The following KANK2 variants were observed in gnomAD, a reference collection of about 807,000 sequenced individuals.
KANK2 encodes the protein KN motif and ankyrin repeat domain-containing protein 2.
Under a neutral mutation model 74.6 loss-of-function variants are expected in KANK2, and 41 were observed. The ratio of observed to expected loss-of-function variants is 0.55; its 90% CI spans 0.43 to 0.71. The LOEUF (loss-of-function observed/expected upper bound fraction) is 0.71. KANK2 is among the 30% of genes least tolerant of loss of function. The probability of loss-of-function intolerance (pLI) is 0.00; values close to 1 mark genes in which losing one functional copy is unlikely to be tolerated. For synonymous variants in KANK2, 537 were observed against 519.0 expected, an observed-to-expected ratio of 1.03 and a Z score of -0.47; for missense variants, 1,148 against 1,196.4, an observed-to-expected ratio of 0.96 and a Z score of 0.60.
rs1174216097 is a variant in KANK2, at chr19:11,193,762, G to A, written c.318C>T (p.Gly106=). 8 of 1,612,696 alleles carry A rather than the reference G, an allele frequency of 5.0e-6. No homozygotes were observed. Among genetic ancestry groups the A allele is most frequent in the Non-Finnish European group, 6.8e-6 (8 of 1,179,716 alleles). Residue 106 remains glycine (G), a synonymous_variant, in exon 4 of 13, where the codon GGC becomes GGT. Coordinates refer to ENST00000586659, the MANE Select transcript of KANK2 (RefSeq NM_001136191.3). This position sits in a 1 kb window ranked among gnomAD's most constrained non-coding sequence, Gnocchi z 9.6. The part of the protein sequence containing the change: ...RHSAYSYCGR[G]FYPQYGALET... ...CCAGAGCACCATACTGAGGGTAGAA[G>A]CCACGGCCGCAGTAGGAATAGGCTG... is the stretch of plus-strand genomic sequence containing the variant.
chr19:11,195,520 C>A (rs571674439), intron 2 of KANK2, 102 bp downstream of exon 2: 2 of 152,420 alleles, frequency 1.3e-5, no homozygotes, highest in African/African-American at 4.8e-5. Flanking sequence ...CAGAGTAAAT[C>A]CTTTCTGGCC....
intron 10 of KANK2, among the ~76,000 whole-genome samples, chr19:11,172,075 A>G (rs940068830): frequency 6.7e-6 from 1 of 149,710 alleles, no homozygotes; most frequent in African/African-American, 2.5e-5. Context: ...TCCCAGGTTC[A>G]AGCGATTCTC....
At chr19:11,182,877 A>T (rs113891021) in intron 4 of KANK2, among the ~76,000 whole-genome samples, 184 of 132,628 alleles carry the variant, frequency 1.4e-3, no homozygotes, top group African/African-American at 4.8e-3. Flanking sequence ...AAAAAATCAA[A>T]CAAACTAGAG....
At chr19:11,185,012 T>C (rs2078636295) in intron 4 of KANK2, among the ~76,000 whole-genome samples, 1 of 148,320 alleles carries the variant, frequency 6.7e-6, no homozygotes, top group Admixed American at 6.8e-5. Flanking sequence ...GGTTTCACCA[T>C]GTTGGCCAGG....
In KANK2 at chr19:11,192,793, C is replaced by CA. The variant is rs767563543; in HGVS notation, c.1249+37_1249+38insT. The CA allele has an allele frequency of 1.2e-4, 182 of 1,576,266 alleles. 2 individuals carry two copies. Among genetic ancestry groups the CA allele is most frequent in the South Asian group, 2.3e-4 (21 of 90,024 alleles). On this transcript the variant is annotated intron_variant, in intron 4 of 12. Transcript: ENST00000586659. ...CATGGGAAGAAAGAGGCCCCCCCCC[C>CA]CCAAGCCATTCTCCCCTGCCTGCCT...
At position 11,194,101 on chromosome 19, in the gene KANK2, A is replaced by T. The variant is rs551164507; in HGVS notation, c.38-59T>A. 6.9e-5 allele frequency: 105 copies of T among 1,518,282 alleles called. No homozygotes were observed. In the East Asian group the frequency reaches 2.3e-3, roughly 33 times the overall value. 94.1% of individuals were successfully genotyped at this position (1,518,282 alleles called of 1,614,324 possible). A position where few individuals can be genotyped will look rare whatever the true frequency, so the allele number is the denominator to read the frequency against. ...CCTCTTGTCCCCATTCTCAGGGTGA[A>T]GACTGATGCCTGGGGAGAGTTGGGG... On this transcript the variant is annotated intron_variant, in intron 3 of 12. Coordinates refer to ENST00000586659, the MANE Select transcript of KANK2 (RefSeq NM_001136191.3).
chr19:11,187,697 T>A (rs1410814986), intron 4 of KANK2, among the ~76,000 whole-genome samples: 1 of 152,236 alleles, frequency 6.6e-6, no homozygotes, highest in African/African-American at 2.4e-5. Flanking sequence ...TGTCTACGGC[T>A]GCTTTTGCAA....
At chr19:11,194,383 C>A in intron 3 of KANK2, 92 bp downstream of exon 3, 1 of 1,029,838 alleles carries the variant, frequency 9.7e-7, no homozygotes, top group Non-Finnish European at 1.5e-6. Context: ...TGTGTCCCAC[C>A]CTCAAAGTCC....
In KANK2 at chr19:11,170,213, G is replaced by A. The variant is rs201988386; in HGVS notation, c.2247C>T (p.His749=). The change falls in exon 11 of 13, where the codon CAC becomes CAT. Residue 749 remains histidine, a synonymous_variant. Coordinates refer to ENST00000586659, the MANE Select transcript of KANK2 (RefSeq NM_001136191.3). This position sits in a 1 kb window ranked among gnomAD's most constrained non-coding sequence, Gnocchi z 5.2. ...GQTALMLAVS[H]GRVDVVKALL... is the part of the protein sequence containing the mutation. ...GGGCTTTGACAACGTCCACCCGCCCGTGGCTGACGGCCAGCATCAGGGCCG... is the reference window on the plus strand; with the variant it reads ...GGGCTTTGACAACGTCCACCCGCCCATGGCTGACGGCCAGCATCAGGGCCG... 224 of 1,610,736 alleles carry A rather than the reference G, an allele frequency of 1.4e-4. 1 individual carries two copies. Among genetic ancestry groups the A allele is most frequent in the South Asian group, 9.4e-4 (86 of 91,086 alleles).
intron 3 of KANK2, 145 bp downstream of exon 3, chr19:11,194,330 G>GGGCAGGACTCTGCCTCCTCCCTC: frequency 8.6e-6 from 6 of 694,110 alleles, no homozygotes; most frequent in Non-Finnish European, 1.2e-5. Flanking sequence ...GACCCTCCCA[G>GGGCAGGACTCTGCCTCCTCCCTC]GGCAGGACTC....
chr19:11,186,683 G>A lies in KANK2; in HGVS notation c.1249+6148C>T, dbSNP rs542752283. ...CACTGCACTCCAGCCTGGGCAACAG[G>A]AGTGAAACTCTGTCTCAAAAAAAAA... On this transcript the variant is annotated intron_variant, in intron 4 of 12. Coordinates refer to ENST00000586659, the MANE Select transcript of KANK2 (RefSeq NM_001136191.3). Among the ~76,000 whole-genome samples the A allele has an allele frequency of 7.2e-5, 11 of 151,932 alleles. No homozygotes were observed. The South Asian group carries it at 1.0e-3, about 14-fold the overall frequency.
Position 11,170,479 on chromosome 19 carries a change from A to T in KANK2, c.2212-231T>A. ...AGGCTGGGAGAAGCGGGGGCGGAGG[A>T]AATGATGGATACAGGTTTCCTTTGG... is the stretch of plus-strand genomic sequence containing the variant. On this transcript the variant is annotated intron_variant, in intron 10 of 12. Coordinates refer to ENST00000586659, the MANE Select transcript of KANK2 (RefSeq NM_001136191.3). This position sits in a 1 kb window ranked among gnomAD's most constrained non-coding sequence, Gnocchi z 5.2. 1 of 581,632 alleles carries T rather than the reference A, an allele frequency of 1.7e-6. No homozygotes were observed. The highest frequency in any genetic ancestry group is 3.0e-5 in the Admixed American group (1 of 32,814). The allele number at this position is 581,632 out of a possible 1,614,324, so 36.0% of individuals were successfully genotyped here.
At chr19:11,183,439 G>C (rs2078585377) in intron 4 of KANK2, among the ~76,000 whole-genome samples, 1 of 152,178 alleles carries the variant, frequency 6.6e-6, no homozygotes, top group Admixed American at 6.6e-5. Context: ...AAAGCTAAAG[G>C]GAGATAATGT....
intron 4 of KANK2, among the ~76,000 whole-genome samples, chr19:11,189,121 G>A (rs1005619213): frequency 2.4e-5 from 2 of 81,766 alleles, no homozygotes; most frequent in African/African-American, 9.6e-5. Flanking sequence ...CCGCCCACAA[G>A]ATTGGTCTTG....
intron 12 of KANK2, 75 bp from the exon 13 acceptor site, chr19:11,166,686 C>T: frequency 7.0e-7 from 1 of 1,422,918 alleles, no homozygotes; most frequent in Non-Finnish European, 9.9e-7. Flanking sequence ...GGTGGCTGGC[C>T]TGGTAGATAT....
intron 4 of KANK2, among the ~76,000 whole-genome samples, chr19:11,187,516 T>C (rs1480848165): frequency 1.3e-5 from 2 of 152,052 alleles, no homozygotes; most frequent in Admixed American, 1.3e-4. Context: ...GCACTGACGG[T>C]GGAGAGCGGA....
chr19:11,168,739 T>C (rs2078092657), intron 12 of KANK2, among the ~76,000 whole-genome samples: 1 of 152,144 alleles, frequency 6.6e-6, no homozygotes, highest in African/African-American at 2.4e-5. Flanking sequence ...AGACACGCAT[T>C]TGGAACCAGA....
At chr19:11,177,561 A>G (rs992968015) in intron 6 of KANK2, among the ~76,000 whole-genome samples, 1 of 152,130 alleles carries the variant, frequency 6.6e-6, no homozygotes. Flanking sequence ...CATGTTGGCC[A>G]GGCTTGTCTC....
In KANK2 at chr19:11,194,390, G is replaced by A. The variant is rs999464675; in HGVS notation, c.37+85C>T. 2.6e-5 allele frequency: 29 copies of A among 1,105,920 alleles called. No homozygotes were observed. The Admixed American group carries it at 5.0e-4, about 19-fold the overall frequency. 68.5% of individuals were successfully genotyped at this position (1,105,920 alleles called of 1,614,324 possible). A position where few individuals can be genotyped will look rare whatever the true frequency, so the allele number is the denominator to read the frequency against. On this transcript the variant is annotated intron_variant, in intron 3 of 12. Transcript: ENST00000586659. The stretch of plus-strand genomic sequence containing the variant: ...TGTTGGGCTGTGTCCCACCCTCAAA[G>A]TCCCCAGGGCAAGGTCCCCAGCCCC...
Sources: allele counts gnomAD v4.1 joint callset (sites outside exome capture counted in the v4.1 genomes callset), GRCh38; gene constraint gnomAD v4.1.1; non-coding constraint Gnocchi (gnomAD v3.1); transcripts MANE v1.5; gene names NCBI Gene and HGNC (gene_info 2026-07-23, HGNC 2026-07-21).